Variants in FAT3 observed in about 807,000 individuals in gnomAD.
The protein encoded by FAT3 is protocadherin Fat 3.
Under a neutral mutation model 310.2 loss-of-function variants are expected in FAT3, and 95 were observed. The ratio of observed to expected loss-of-function variants is 0.31; its 90% CI spans 0.26 to 0.36. FAT3 has a LOEUF of 0.36. Ranked by LOEUF, FAT3 falls within the 10% of genes least tolerant of loss-of-function variation. The pLI is 1.00. For synonymous variants in FAT3, 2,314 were observed against 2,192.9 expected (o/e 1.06, Z -1.54); for missense variants, 5,408 against 5,715.6 (o/e 0.95, Z 1.74).
chr11:92,562,268 C>T (rs530254690), intron 3 of FAT3, among the ~76,000 whole-genome samples: 1 of 152,124 alleles, frequency 6.6e-6, no homozygotes, highest in African/African-American at 2.4e-5. Flanking sequence ...ATATACAATA[C>T]TTCCTACCAT....
chr11:92,350,063 TATTAA>T (rs1243170104), intron 1 of FAT3, among the ~76,000 whole-genome samples: 1 of 151,936 alleles, frequency 6.6e-6, no homozygotes, highest in Non-Finnish European at 1.5e-5. Context: ...TATCAATGAC[TATTAA>T]ATTTAGACAG....
intron 1 of FAT3, among the ~76,000 whole-genome samples, chr11:92,319,060 C>G (rs1432487741): frequency 6.6e-6 from 1 of 152,162 alleles, no homozygotes. Context: ...TATGCATGCA[C>G]TCATACACAA....
intron 3 of FAT3, among the ~76,000 whole-genome samples, chr11:92,536,851 CT>C (rs1256667899): frequency 1.3e-5 from 2 of 152,144 alleles, no homozygotes; most frequent in Non-Finnish European, 2.9e-5. Context: ...CTCTCCTTGT[CT>C]TCAATATTTC....
chr11:92,491,204 C>G (rs141932952), intron 2 of FAT3, among the ~76,000 whole-genome samples: 2,262 of 152,162 alleles, frequency 0.015, 34 homozygotes, highest in South Asian at 0.028. Flanking sequence ...CTCAAGTACT[C>G]TAGCTTAGTG....
chr11:92,827,150 G>C (rs996668965), intron 13 of FAT3, among the ~76,000 whole-genome samples: 2 of 152,280 alleles, frequency 1.3e-5, no homozygotes, highest in Admixed American at 1.3e-4. Flanking sequence ...TGAAGTGTAA[G>C]GACCTGTATA....
At chr11:92,400,042 C>T (rs141628490) in intron 2 of FAT3, 3 of 152,160 alleles carry the variant, frequency 2.0e-5, no homozygotes, top group South Asian at 4.1e-4. Context: ...TTCCTTGGCT[C>T]TTGCCCAACA....
intron 4 of FAT3, among the ~76,000 whole-genome samples, chr11:92,746,273 A>G (rs1301818784): frequency 1.3e-5 from 2 of 152,216 alleles, no homozygotes; most frequent in Admixed American, 6.5e-5. Flanking sequence ...AGGTCTCACA[A>G]TCATGGTGGA....
intron 2 of FAT3, among the ~76,000 whole-genome samples, chr11:92,494,134 A>C (rs1377394796): frequency 3.3e-5 from 5 of 151,294 alleles, no homozygotes; most frequent in African/African-American, 1.2e-4. Flanking sequence ...AGTGCAGGGG[A>C]AAACTTATAT....
At chr11:92,292,245 T>A (rs1946712583) in intron 1 of FAT3, among the ~76,000 whole-genome samples, 1 of 152,106 alleles carries the variant, frequency 6.6e-6, no homozygotes, top group Non-Finnish European at 1.5e-5. Context: ...GCTAAGTGTA[T>A]ATCTTTAGCA....
intron 1 of FAT3, among the ~76,000 whole-genome samples, chr11:92,351,894 G>A (rs1029680921): frequency 2.6e-5 from 4 of 152,174 alleles, no homozygotes; most frequent in African/African-American, 9.7e-5. Context: ...ATTCTTACAA[G>A]ATTGGGCTAA....
intron 25 of FAT3, among the ~76,000 whole-genome samples, chr11:92,888,214 C>T (rs1357915062): frequency 6.6e-6 from 1 of 152,196 alleles, no homozygotes; most frequent in South Asian, 2.1e-4. Flanking sequence ...ACTGGGACAA[C>T]AAATCACCTA....
At chr11:92,600,409 A>C (rs975114886) in intron 3 of FAT3, among the ~76,000 whole-genome samples, 1 of 152,202 alleles carries the variant, frequency 6.6e-6, no homozygotes, top group African/African-American at 2.4e-5. Context: ...CGTTTCTACA[A>C]ATGAAAAAGG....
In FAT3 at chr11:92,798,617, A is replaced by C. The variant is rs1478065764; in HGVS notation, c.5604A>C (p.Glu1868Asp). 6.2e-7 allele frequency: 1 copy of C among 1,613,834 alleles called. No individual in the cohort carries two copies. The highest frequency in any genetic ancestry group is 1.1e-5 in the South Asian group (1 of 91,050). The change falls in exon 10 of 28, where the codon GAA becomes GAC. Residue 1868 changes from glutamate (E) to aspartate (D), a missense_variant. This residue lies in a region of FAT3 where 4,588 missense variants were observed against 4,809.8 expected (regional missense o/e 0.95). Coordinates refer to ENST00000525166, the MANE Select transcript of FAT3 (RefSeq NM_001367949.2). The stretch of plus-strand genomic sequence containing the variant: ...AACTGACTGCAGAGAGTCCCGTTGA[A>C]GTCAACATTGAGGTGACAGATGTGA... ...SPQLTAESPVEVNIEVTDVND... is the reference protein window; with the variant it reads ...SPQLTAESPVDVNIEVTDVND...
intron 22 of FAT3, among the ~76,000 whole-genome samples, chr11:92,870,819 A>G (rs970190975): frequency 6.6e-6 from 1 of 152,066 alleles, no homozygotes; most frequent in Non-Finnish European, 1.5e-5. Flanking sequence ...CGCTTGTTAG[A>G]CTCTTACTAT....
At chr11:92,823,743 G>C (rs1233006337) in intron 13 of FAT3, among the ~76,000 whole-genome samples, 1 of 152,118 alleles carries the variant, frequency 6.6e-6, no homozygotes, top group African/African-American at 2.4e-5. Context: ...ACTGACCCCA[G>C]GAGCTGGTAT....
intron 6 of FAT3, among the ~76,000 whole-genome samples, chr11:92,766,128 A>C (rs901535550): frequency 1.3e-5 from 2 of 152,326 alleles, no homozygotes; most frequent in Middle Eastern, 3.4e-3. Context: ...TCCTTGAAAG[A>C]AAGCAAGCAA....
chr11:92,356,022 G>A (rs556986608), intron 2 of FAT3, among the ~76,000 whole-genome samples: 3 of 152,112 alleles, frequency 2.0e-5, no homozygotes, highest in Non-Finnish European at 4.4e-5. Context: ...TTGATTTTAA[G>A]AATTTATTTG....
intron 2 of FAT3, among the ~76,000 whole-genome samples, chr11:92,440,870 G>A (rs1470826687): frequency 2.6e-5 from 4 of 152,120 alleles, no homozygotes; most frequent in Admixed American, 2.6e-4. Flanking sequence ...CGTAGTTCTG[G>A]CTATGCTATT....
Position 92,799,272 on chromosome 11 carries a change from C to T in FAT3, c.6259C>T (p.Leu2087Phe), listed in dbSNP as rs954895715. Reference protein sequence around the residue: ...INDNSPVFVGLPYYAAVQVDA... With the variant: ...INDNSPVFVGFPYYAAVQVDA... ...TGACAATTCTCCAGTCTTTGTGGGC[C>T]TCCCATACTATGCTGCTGTTCAAGT... The change falls in exon 10 of 28, where the codon CTC becomes TTC. Residue 2087 changes from leucine (L) to phenylalanine (F), a missense_variant. Physicochemically the swap from Leu to Phe is conservative, Grantham distance 22. Around this residue, in one of 5 missense-constraint regions of FAT3, gnomAD observed 4,588 missense variants for 4,809.8 expected, o/e 0.95. Coordinates refer to ENST00000525166, the MANE Select transcript of FAT3 (RefSeq NM_001367949.2). 1 of 1,613,880 alleles carries T rather than the reference C, an allele frequency of 6.2e-7. No individual in the cohort carries two copies. Among genetic ancestry groups the T allele is most frequent in the African/African-American group, 1.3e-5 (1 of 75,008 alleles).
Sources: allele counts gnomAD v4.1 joint callset (sites outside exome capture counted in the v4.1 genomes callset), GRCh38; gene constraint gnomAD v4.1.1; regional missense constraint gnomAD v4.1.1; transcripts MANE v1.5; gene names NCBI Gene and HGNC (gene_info 2026-07-23, HGNC 2026-07-21).